The following IPO7 variants were observed in gnomAD, a reference collection of about 807,000 sequenced individuals.
IPO7 encodes importin-7.
In IPO7, 13 loss-of-function variants were observed where a neutral mutation model predicts 136.4. The ratio of observed to expected loss-of-function variants is 0.10; its 90% CI spans 0.06 to 0.15. The LOEUF (loss-of-function observed/expected upper bound fraction) is 0.15. Ranked by LOEUF, IPO7 falls within the 10% of genes least tolerant of loss-of-function variation. IPO7 has a pLI of 1.00. For synonymous variants in IPO7, 403 were observed against 404.4 expected, an observed-to-expected ratio of 1.00 and a Z score of 0.04; for missense variants, 857 against 1,240.6, an observed-to-expected ratio of 0.69 and a Z score of 4.65.
rs1855445159 is a variant in IPO7 at position 9,440,360 on chromosome 11, C to CT, written c.2696-93dup. On this transcript the variant is annotated intron_variant, in intron 22 of 24. Coordinates refer to ENST00000379719, the MANE Select transcript of IPO7 (RefSeq NM_006391.3). ...TGGAGCTCTCTCTTGTCACTTGTGA[C>CT]TTGTAATTTACTGACAGTGATTGAG... 4.1e-6 allele frequency: 4 copies of CT among 966,952 alleles called. No individual in the cohort carries two copies. The African/African-American group carries it at 6.5e-5, about 16-fold the overall frequency. 59.9% of individuals were successfully genotyped at this position (966,952 alleles called of 1,614,324 possible). A position where few individuals can be genotyped will look rare whatever the true frequency, so the allele number is the denominator to read the frequency against.
chr11:9,407,819 ACT>A, intron 2 of IPO7, among the ~76,000 whole-genome samples: 1 of 151,928 alleles, frequency 6.6e-6, no homozygotes, highest in East Asian at 1.9e-4. Flanking sequence ...GTTCTCCCCC[ACT>A]CTCTGAAAGT....
chr11:9,404,210 A>G (rs1461003416), intron 2 of IPO7, among the ~76,000 whole-genome samples: 3 of 152,216 alleles, frequency 2.0e-5, no homozygotes, highest in African/African-American at 4.8e-5. Flanking sequence ...TCACGCCTGT[A>G]ATCCCAGCAC....
At chr11:9,421,877 C>T (rs1218872804) in intron 8 of IPO7, among the ~76,000 whole-genome samples, 3 of 149,136 alleles carry the variant, frequency 2.0e-5, no homozygotes, top group East Asian at 4.0e-4. Flanking sequence ...CTGGGGGGTG[C>T]AGCTTGCGGT....
chr11:9,415,097 C>G (rs761940720), intron 5 of IPO7, among the ~76,000 whole-genome samples: 4 of 151,784 alleles, frequency 2.6e-5, no homozygotes, highest in Non-Finnish European at 5.9e-5. Flanking sequence ...GTGGGCGCAT[C>G]ACCTGAGGAG....
chr11:9,442,308 G>T, intron 24 of IPO7, 111 bp downstream of exon 24: 2 of 520,670 alleles, frequency 3.8e-6, no homozygotes, highest in Non-Finnish European at 3.5e-6. Context: ...GATATAAAAG[G>T]TATAGTTGTT....
chr11:9,412,056 G>A (rs1431453783), intron 4 of IPO7, among the ~76,000 whole-genome samples: 1 of 152,160 alleles, frequency 6.6e-6, no homozygotes, highest in Non-Finnish European at 1.5e-5. Context: ...AGTGCAAATG[G>A]CTTTCTTTTG....
At chr11:9,398,589 T>C (rs979981388) in intron 1 of IPO7, among the ~76,000 whole-genome samples, 1 of 152,242 alleles carries the variant, frequency 6.6e-6, no homozygotes, top group African/African-American at 2.4e-5. Flanking sequence ...TTTTTGCTTT[T>C]ATTATTTTTT....
chr11:9,391,582 C>T (rs1854633567), intron 1 of IPO7, among the ~76,000 whole-genome samples: 1 of 151,966 alleles, frequency 6.6e-6, no homozygotes, highest in African/African-American at 2.4e-5. Context: ...TGGTGGGTGC[C>T]TGTAGTTCCA....
chr11:9,390,417 A>G lies in IPO7; in HGVS notation c.84+5570A>G, dbSNP rs1389438588. On this transcript the variant is annotated intron_variant, in intron 1 of 24. Transcript: ENST00000379719. ...TGGTTCATTTGATTCCATTTTATTA[A>G]AAGTATTTAATGAAAATCTTAGGTC... is the stretch of plus-strand genomic sequence containing the variant. 2.0e-5 allele frequency among the ~76,000 whole-genome samples: 3 copies of G among 152,300 alleles called. No individual in the cohort carries two copies. In the South Asian group the frequency reaches 6.2e-4, roughly 32 times the overall value.
Position 9,429,846 on chromosome 11 carries a change from G to A in IPO7, c.1752+12G>A. On this transcript the variant is annotated intron_variant, in intron 15 of 24. Transcript: ENST00000379719. ...TGACACAACATTTGGTATGTTGTTT[G>A]AACCTACCATATTTGCAAGCATTTT... 1 of 1,562,996 alleles carries A rather than the reference G, an allele frequency of 6.4e-7. No individual in the cohort carries two copies. The highest frequency in any genetic ancestry group is 8.7e-7 in the Non-Finnish European group (1 of 1,155,082).
At position 9,420,466 on chromosome 11, in the gene IPO7, A is replaced by G. The variant is rs1855111371; in HGVS notation, c.782A>G (p.Lys261Arg). The G allele has an allele frequency of 6.2e-7, 1 of 1,612,550 alleles. No homozygotes were observed. Among genetic ancestry groups the G allele is most frequent in the South Asian group, 1.1e-5 (1 of 91,010 alleles). The change falls in exon 7 of 25, where the codon AAG becomes AGG. Residue 261 changes from lysine to arginine, a missense_variant. By Grantham distance (26) the Lys-to-Arg change is conservative (BLOSUM62 2). Coordinates refer to ENST00000379719, the MANE Select transcript of IPO7 (RefSeq NM_006391.3). ...DRPELPWWKC[K>R]KWALHILARL... Reference sequence around the variant, plus strand: ...CCTGAGTTACCATGGTGGAAATGCAAGAAGTGGGCCTTACATATTTTAGCA... The same window carrying G: ...CCTGAGTTACCATGGTGGAAATGCAGGAAGTGGGCCTTACATATTTTAGCA...
intron 22 of IPO7, among the ~76,000 whole-genome samples, chr11:9,438,631 A>T (rs953296581): frequency 4.5e-4 from 68 of 151,420 alleles, no homozygotes; most frequent in African/African-American, 1.6e-3. Context: ...TCTCAGATTA[A>T]AAAAAAATAT....
chr11:9,429,177 G>A lies in IPO7; in HGVS notation c.1572G>A (p.Leu524=). ...KVEAAIALQV[L]ISNQEKAKEY... ...AAGCTGCCATTGCCCTTCAAGTATT[G>A]ATCAGCAATCAAGAAAAAGGTAAAG... Residue 524 remains leucine, a synonymous_variant, in exon 14 of 25, where the codon TTG becomes TTA. Transcript: ENST00000379719. 1 of 1,611,748 alleles carries A rather than the reference G, an allele frequency of 6.2e-7. No individual in the cohort carries two copies. Among genetic ancestry groups the A allele is most frequent in the Non-Finnish European group, 8.5e-7 (1 of 1,179,438 alleles).
At chr11:9,438,861 A>G (rs970443433) in intron 22 of IPO7, among the ~76,000 whole-genome samples, 25 of 152,346 alleles carry the variant, frequency 1.6e-4, no homozygotes, top group African/African-American at 5.8e-4. Flanking sequence ...GATGAATGAG[A>G]TGTCATGCAG....
chr11:9,432,124 G>A (rs1002495898), intron 16 of IPO7, among the ~76,000 whole-genome samples: 1 of 151,818 alleles, frequency 6.6e-6, no homozygotes, highest in African/African-American at 2.4e-5. Flanking sequence ...CAATGCAGAT[G>A]CTTGTAATGT....
At chr11:9,385,506 G>A (rs1854540586) in intron 1 of IPO7, among the ~76,000 whole-genome samples, 1 of 152,204 alleles carries the variant, frequency 6.6e-6, no homozygotes, top group African/African-American at 2.4e-5. Context: ...GGCTTATGTA[G>A]TGGGAAGGAT....
chr11:9,414,826 A>G (rs189139553), intron 5 of IPO7, among the ~76,000 whole-genome samples: 1 of 151,462 alleles, frequency 6.6e-6, no homozygotes, highest in East Asian at 2.0e-4. Flanking sequence ...GGGTTTCACC[A>G]TGTTGGTCAT....
In IPO7 at chr11:9,448,068, G is replaced by A. The variant is rs139773383; in HGVS notation, c.*2874G>A. 7.9e-5 allele frequency: 12 copies of A among 152,280 alleles called. No homozygotes were observed. Among genetic ancestry groups the A allele is most frequent in the African/African-American group, 2.9e-4 (12 of 41,568 alleles). 9.4% of individuals were successfully genotyped at this position (152,280 alleles called of 1,614,324 possible). A position where few individuals can be genotyped will look rare whatever the true frequency, so the allele number is the denominator to read the frequency against. The stretch of plus-strand genomic sequence containing the variant: ...GTCTTTGGCAAAGATCTAACACAAT[G>A]TCTTAAGTATAATAGGTAGTCTCTG... On this transcript the variant is annotated 3_prime_UTR_variant, in exon 25 of 25. Coordinates refer to ENST00000379719, the MANE Select transcript of IPO7 (RefSeq NM_006391.3).
At chr11:9,397,651 A>G (rs1854734801) in intron 1 of IPO7, among the ~76,000 whole-genome samples, 1 of 151,772 alleles carries the variant, frequency 6.6e-6, no homozygotes, top group Non-Finnish European at 1.5e-5. Flanking sequence ...CTCAAGAGAG[A>G]TTGTATACGC....
Sources: gnomAD v4.1 joint callset for allele counts (sites outside exome capture counted in the v4.1 genomes callset) on GRCh38, gnomAD v4.1.1 for gene constraint, MANE v1.5 for transcripts, NCBI Gene and HGNC (gene_info 2026-07-23, HGNC 2026-07-21) for gene names.